The following PAN3 variants were observed in gnomAD, a reference collection of about 807,000 sequenced individuals.
PAN3 encodes the protein PAN2-PAN3 deadenylation complex subunit PAN3.
A neutral mutation model predicts 96.2 loss-of-function variants in PAN3; 19 were observed. The ratio of observed to expected loss-of-function variants is 0.20; its 90% CI spans 0.14 to 0.29. The LOEUF is 0.29. Ranked by LOEUF, PAN3 falls within the 10% of genes least tolerant of loss-of-function variation. PAN3 has a pLI of 1.00. For synonymous variants in PAN3, 433 were observed against 406.6 expected, an observed-to-expected ratio of 1.06 and a Z score of -0.78; for missense variants, 882 against 1,108.1, an observed-to-expected ratio of 0.80 and a Z score of 2.90.
intron 17 of PAN3, among the ~76,000 whole-genome samples, chr13:28,286,047 G>T (rs1341875422): frequency 6.6e-6 from 1 of 152,136 alleles, no homozygotes; most frequent in Non-Finnish European, 1.5e-5. Context: ...AAGCCAATGG[G>T]AAGCCTTTGT....
At position 28,293,620 on chromosome 13, in the gene PAN3, A is replaced by G. The variant is rs1295604445; in HGVS notation, c.*1098A>G. On this transcript the variant is annotated 3_prime_UTR_variant, in exon 19 of 19. Coordinates refer to ENST00000380958, the MANE Select transcript of PAN3 (RefSeq NM_175854.8). ...GCCTTTGCAGTCACTGCTTAGCCCA[A>G]AGTAATAGTACTTTTGATAATAACT... The G allele has an allele frequency of 6.6e-6, 1 of 152,428 alleles. No homozygotes were observed. The highest frequency in any genetic ancestry group is 1.5e-5 in the Non-Finnish European group (1 of 68,010). 9.4% of individuals were successfully genotyped at this position (152,428 alleles called of 1,614,324 possible). A position where few individuals can be genotyped will look rare whatever the true frequency, so the allele number is the denominator to read the frequency against.
intron 9 of PAN3, among the ~76,000 whole-genome samples, chr13:28,262,427 G>T (rs1204442969): frequency 6.6e-6 from 1 of 152,180 alleles, no homozygotes; most frequent in Non-Finnish European, 1.5e-5. Context: ...GCATCGTCTA[G>T]TGAGTGTTGT....
intron 5 of PAN3, chr13:28,215,738 G>C (rs1880668643): frequency 6.7e-7 from 1 of 1,499,182 alleles, no homozygotes; most frequent in Non-Finnish European, 9.1e-7. Context: ...GCAAGCCCAT[G>C]TGTGCTGAGA....
At chr13:28,276,484 A>G (rs1299884447) in intron 14 of PAN3, among the ~76,000 whole-genome samples, 2 of 152,196 alleles carry the variant, frequency 1.3e-5, no homozygotes, top group Non-Finnish European at 2.9e-5. Flanking sequence ...GTGATAAAGG[A>G]CTTAATTCAG....
intron 1 of PAN3, among the ~76,000 whole-genome samples, chr13:28,158,274 A>T (rs957927877): frequency 1.3e-5 from 2 of 152,248 alleles, no homozygotes; most frequent in African/African-American, 4.8e-5. Context: ...ACCATTCTGG[A>T]CATACGCCCC....
chr13:28,272,124 T>G (rs777088254), intron 14 of PAN3, 53 bp downstream of exon 14: 1 of 1,292,658 alleles, frequency 7.7e-7, no homozygotes, highest in South Asian at 1.4e-5. Context: ...TAAAGACAAA[T>G]TTTGTTCATT....
chr13:28,146,461 T>G (rs995824456), intron 1 of PAN3, among the ~76,000 whole-genome samples: 4 of 151,992 alleles, frequency 2.6e-5, no homozygotes, highest in Non-Finnish European at 5.9e-5. Context: ...TCTCAGACTT[T>G]CAGAGGTTGG....
At chr13:28,256,138 A>G (rs1026988986) in intron 6 of PAN3, among the ~76,000 whole-genome samples, 154 bp from the exon 7 acceptor site, 1 of 152,224 alleles carries the variant, frequency 6.6e-6, no homozygotes, top group African/African-American at 2.4e-5. Context: ...AGCTTTTTCT[A>G]CAACAAAACA....
chr13:28,288,217 G>A, intron 18 of PAN3, 95 bp downstream of exon 18: 1 of 1,141,034 alleles, frequency 8.8e-7, no homozygotes, highest in East Asian at 2.5e-5. Flanking sequence ...AAGAAATCAG[G>A]ATGTACTCTT....
intron 5 of PAN3, among the ~76,000 whole-genome samples, chr13:28,213,530 A>G (rs2138336188): frequency 6.6e-6 from 1 of 152,252 alleles, no homozygotes; most frequent in South Asian, 2.1e-4. Flanking sequence ...GCACTCAGAA[A>G]CTGGTAAAAT....
chr13:28,209,815 C>G (rs1879816153), intron 5 of PAN3, among the ~76,000 whole-genome samples: 1 of 151,978 alleles, frequency 6.6e-6, no homozygotes, highest in Admixed American at 6.6e-5. Context: ...TTTCCTTTCT[C>G]CTTTTACCAC....
intron 1 of PAN3, among the ~76,000 whole-genome samples, chr13:28,157,275 GAAT>G (rs1389954581): frequency 6.6e-6 from 1 of 152,024 alleles, no homozygotes; most frequent in Non-Finnish European, 1.5e-5. Flanking sequence ...CATCATAACT[GAAT>G]GGGCAAAAGC....
chr13:28,285,535 T>G (rs1166165962), intron 17 of PAN3, among the ~76,000 whole-genome samples: 2 of 152,188 alleles, frequency 1.3e-5, no homozygotes, highest in Non-Finnish European at 2.9e-5. Flanking sequence ...GATTAACAGG[T>G]GAACCCCTTT....
At chr13:28,184,066 G>GCCT (rs1315507985) in intron 4 of PAN3, among the ~76,000 whole-genome samples, 2 of 151,996 alleles carry the variant, frequency 1.3e-5, no homozygotes, top group Admixed American at 6.6e-5. Flanking sequence ...AGATGTTCAG[G>GCCT]CCTCCTCCTC....
At chr13:28,284,250 G>T (rs1868675505) in intron 17 of PAN3, among the ~76,000 whole-genome samples, 3 of 151,898 alleles carry the variant, frequency 2.0e-5, no homozygotes, top group Admixed American at 2.0e-4. Flanking sequence ...CATGTTTGAG[G>T]GTCTGTTTTA....
At chr13:28,226,466 T>C (rs1036023606) in intron 6 of PAN3, among the ~76,000 whole-genome samples, 8 of 152,190 alleles carry the variant, frequency 5.3e-5, no homozygotes, top group African/African-American at 1.9e-4. Context: ...TTCTAATTAA[T>C]TAATTAGATT....
intron 1 of PAN3, among the ~76,000 whole-genome samples, chr13:28,140,314 G>A (rs553576185): frequency 6.6e-6 from 1 of 152,250 alleles, no homozygotes; most frequent in East Asian, 1.9e-4. Context: ...GAATAGAGCC[G>A]GTGCCAGATG....
chr13:28,141,938 G>A (rs1869911150), intron 1 of PAN3, among the ~76,000 whole-genome samples: 1 of 152,170 alleles, frequency 6.6e-6, no homozygotes. Flanking sequence ...GACTCGAGAG[G>A]ACAGGCAGTT....
chr13:28,213,394 A>G (rs533924584), intron 5 of PAN3, among the ~76,000 whole-genome samples: 2 of 152,310 alleles, frequency 1.3e-5, no homozygotes, highest in South Asian at 2.1e-4. Context: ...CTCACTGGAA[A>G]TAATACAAAT....
Sources: allele counts gnomAD v4.1 joint callset (sites outside exome capture counted in the v4.1 genomes callset), GRCh38; gene constraint gnomAD v4.1.1; transcripts MANE v1.5; gene names NCBI Gene and HGNC (gene_info 2026-07-23, HGNC 2026-07-21).